The following CDH13 variants were observed in gnomAD, a reference collection of about 807,000 sequenced individuals.
CDH13 encodes cadherin 13.
In CDH13, 24 loss-of-function variants were observed where a neutral mutation model predicts 63.8. The ratio of observed to expected loss-of-function variants is 0.38; its 90% CI spans 0.27 to 0.53. The LOEUF (loss-of-function observed/expected upper bound fraction) is 0.53. CDH13 is among the 20% of genes least tolerant of loss of function. CDH13 has a pLI of 0.85. For synonymous variants in CDH13, 503 were observed against 355.3 expected (o/e 1.42, Z -4.67); for missense variants, 1,049 against 903.1 (o/e 1.16, Z -2.07).
intron 1 of CDH13, among the ~76,000 whole-genome samples, chr16:82,789,503 A>C (rs2036183923): frequency 6.6e-6 from 1 of 152,186 alleles, no homozygotes; most frequent in African/African-American, 2.4e-5. Context: ...TTCGCCATTC[A>C]GGGATTCAAT....
chr16:83,023,817 A>T (rs1012590543), intron 2 of CDH13, among the ~76,000 whole-genome samples: 1 of 152,182 alleles, frequency 6.6e-6, no homozygotes, highest in Non-Finnish European at 1.5e-5. Flanking sequence ...GAAATTTAGG[A>T]TATGATTATA....
chr16:82,627,337 C>CGTGTGTGTGTGTGGGTGTGTGTGTGT (rs1907425172), intron 1 of CDH13, among the ~76,000 whole-genome samples, 200 bp downstream of exon 1: 1 of 131,184 alleles, frequency 7.6e-6, no homozygotes, highest in East Asian at 2.3e-4. Context: ...CTCTGGCGTG[C>CGTGTGTGTGTGTGGGTGTGTGTGTGT]GTGTGTGTGT....
At chr16:83,252,602 C>T (rs1313416559) in intron 5 of CDH13, among the ~76,000 whole-genome samples, 1 of 150,276 alleles carries the variant, frequency 6.7e-6, no homozygotes, top group African/African-American at 2.5e-5. Flanking sequence ...TCACCAAGTG[C>T]TGGCCGTTGG....
intron 1 of CDH13, among the ~76,000 whole-genome samples, chr16:82,659,742 G>A (rs544161060): frequency 2.0e-5 from 3 of 152,106 alleles, no homozygotes; most frequent in African/African-American, 7.2e-5. Context: ...AATTCTGAAC[G>A]TTAAATAGTA....
chr16:83,634,117 C>CTGTGTGTGTGTG (rs1491184759), intron 8 of CDH13, among the ~76,000 whole-genome samples: 52 of 77,068 alleles, frequency 6.7e-4, no homozygotes, highest in African/African-American at 2.2e-3. Context: ...TGTGTGTTTT[C>CTGTGTGTGTGTG]TGTGTGTGTG....
intron 1 of CDH13, among the ~76,000 whole-genome samples, chr16:82,668,461 C>A (rs777423841): frequency 6.6e-6 from 1 of 152,054 alleles, no homozygotes; most frequent in Non-Finnish European, 1.5e-5. Context: ...AAAGGGGGGA[C>A]AGTTATAATA....
intron 11 of CDH13, among the ~76,000 whole-genome samples, chr16:83,778,062 C>G (rs1198360336): frequency 6.6e-6 from 1 of 152,208 alleles, no homozygotes; most frequent in East Asian, 1.9e-4. Context: ...AATCTGTATA[C>G]TTAAAATGTG....
chr16:82,712,616 G>A (rs931150633), intron 1 of CDH13, among the ~76,000 whole-genome samples: 4 of 152,162 alleles, frequency 2.6e-5, no homozygotes, highest in Admixed American at 2.6e-4. Flanking sequence ...CAGCAGTAAA[G>A]TGTTCCATAA....
At chr16:83,075,500 T>C (rs772175369) in intron 3 of CDH13, among the ~76,000 whole-genome samples, 2 of 152,196 alleles carry the variant, frequency 1.3e-5, no homozygotes, top group Non-Finnish European at 2.9e-5. Flanking sequence ...GATAAGATTG[T>C]TGTGGATGCA....
chr16:83,201,245 A>C (rs2039021088), intron 4 of CDH13, among the ~76,000 whole-genome samples: 1 of 152,284 alleles, frequency 6.6e-6, no homozygotes, highest in East Asian at 1.9e-4. Flanking sequence ...TGCACTGTTC[A>C]CAGCAGAGAA....
rs1346788482 is a variant in CDH13, at chr16:83,670,971, A to G, written c.1283A>G (p.Lys428Arg). The G allele has an allele frequency of 2.5e-6, 4 of 1,584,838 alleles. No homozygotes were observed. The highest frequency in any genetic ancestry group is 1.3e-5 in the African/African-American group (1 of 74,102). The change falls in exon 9 of 14, where the codon AAA becomes AGA. Residue 428 changes from lysine (K) to arginine (R), a missense_variant and splice_region_variant. Transcript: ENST00000567109. ...AACGAAGGGATGCTTTCTGTTGTCA[A>G]AGTAAGGGTGCTTCCAATTGCCTCT... is the stretch of plus-strand genomic sequence containing the variant. The part of the protein sequence containing the change: ...QTNEGMLSVV[K>R]PLDYEISAFH...
intron 5 of CDH13, among the ~76,000 whole-genome samples, chr16:83,284,539 A>G (rs892160835): frequency 5.3e-5 from 8 of 152,170 alleles, no homozygotes; most frequent in African/African-American, 1.9e-4. Flanking sequence ...AAAAGAATTG[A>G]GCATTTTTTA....
chr16:82,651,856 T>A (rs1401398014), intron 1 of CDH13, among the ~76,000 whole-genome samples: 3 of 152,168 alleles, frequency 2.0e-5, no homozygotes, highest in African/African-American at 7.2e-5. Flanking sequence ...GACCTTGGGA[T>A]TTAGGACGGG....
intron 13 of CDH13, among the ~76,000 whole-genome samples, chr16:83,793,107 T>G (rs368690772): frequency 6.6e-6 from 1 of 152,176 alleles, no homozygotes; most frequent in African/African-American, 2.4e-5. Context: ...TCTTTTTTCC[T>G]TCTTTTGATG....
intron 8 of CDH13, among the ~76,000 whole-genome samples, chr16:83,609,246 T>C (rs1908642897): frequency 6.6e-6 from 1 of 152,202 alleles, no homozygotes; most frequent in Non-Finnish European, 1.5e-5. Flanking sequence ...GAGATTTTTT[T>C]TTTAGCTCAT....
At chr16:83,451,340 A>G (rs961325330) in intron 6 of CDH13, among the ~76,000 whole-genome samples, 1 of 152,158 alleles carries the variant, frequency 6.6e-6, no homozygotes, top group Admixed American at 6.5e-5. Context: ...TCCCCTTTAT[A>G]AAACCATCAG....
intron 4 of CDH13, among the ~76,000 whole-genome samples, chr16:83,150,680 A>G (rs1202799452): frequency 6.6e-6 from 1 of 152,162 alleles, no homozygotes; most frequent in Non-Finnish European, 1.5e-5. Flanking sequence ...TGTCTTACCT[A>G]TTTACTATAT....
chr16:82,692,044 C>A (rs1217200190), intron 1 of CDH13, among the ~76,000 whole-genome samples: 2 of 152,192 alleles, frequency 1.3e-5, no homozygotes, highest in South Asian at 4.1e-4. Flanking sequence ...AGTTCTGTCA[C>A]TTTTAGGGGA....
At chr16:82,726,021 T>C (rs1483323789) in intron 1 of CDH13, among the ~76,000 whole-genome samples, 1 of 152,166 alleles carries the variant, frequency 6.6e-6, no homozygotes, top group African/African-American at 2.4e-5. Context: ...CAGTCCGTGA[T>C]GGTGAGAGGG....
Sources: gnomAD v4.1 joint callset for allele counts (sites outside exome capture counted in the v4.1 genomes callset) on GRCh38, gnomAD v4.1.1 for gene constraint, MANE v1.5 for transcripts, NCBI Gene and HGNC (gene_info 2026-07-23, HGNC 2026-07-21) for gene names.